SEC22C: variants seen among roughly 807,000 people sequenced by gnomAD.
SEC22C encodes the protein SEC22 homolog C, vesicle trafficking protein.
SEC22C carries 29 observed loss-of-function variants against 34.7 expected under a neutral mutation model. The ratio of observed to expected loss-of-function variants is 0.84; its 90% confidence interval spans 0.62 to 1.14. The LOEUF (loss-of-function observed/expected upper bound fraction) is 1.14, where lower values mean the gene tolerates loss of function less well. Ranked by LOEUF, SEC22C falls within the 50% of genes most tolerant of loss-of-function variation. The probability of loss-of-function intolerance (pLI) is 0.00; values close to 1 mark genes in which losing one functional copy is unlikely to be tolerated. For synonymous variants in SEC22C, 117 were observed against 132.8 expected, an observed-to-expected ratio of 0.88 and a Z score of 0.82; for missense variants, 337 against 369.0, an observed-to-expected ratio of 0.91 and a Z score of 0.71.
chr3:42,572,541 T>C (rs901111007), intron 1 of SEC22C, among the ~76,000 whole-genome samples: 10 of 152,204 alleles, frequency 6.6e-5, no homozygotes, highest in African/African-American at 2.4e-4. Context: ...AGAATTCCTA[T>C]CTCTCCCAGG....
intron 1 of SEC22C, among the ~76,000 whole-genome samples, chr3:42,599,686 C>T (rs1705198240): frequency 6.7e-6 from 1 of 148,500 alleles, no homozygotes; most frequent in African/African-American, 2.5e-5. Context: ...AGCGAGACTC[C>T]GTCTCAAAAA....
intron 1 of SEC22C, among the ~76,000 whole-genome samples, chr3:42,600,003 T>C (rs1705216043): frequency 6.6e-6 from 1 of 152,156 alleles, no homozygotes; most frequent in Non-Finnish European, 1.5e-5. Context: ...CAGGCCCAGA[T>C]TGGGAAAAAG....
At chr3:42,591,239 GC>G (rs1310333268) in intron 1 of SEC22C, 2 of 543,774 alleles carry the variant, frequency 3.7e-6, no homozygotes, top group Non-Finnish European at 6.4e-6. Flanking sequence ...CCGCTCTGTC[GC>G]CCAGGCTGGA....
intron 1 of SEC22C, chr3:42,600,330 C>G (rs773185263): frequency 5.9e-5 from 9 of 152,256 alleles, no homozygotes; most frequent in Non-Finnish European, 1.0e-4. Context: ...CTCAAAGCCT[C>G]AATTCACTCA....
At position 42,570,646 on chromosome 3, in the gene SEC22C, G is replaced by A. The variant is rs962424830; in HGVS notation, c.-27-1573C>T. Among the ~76,000 whole-genome samples, 3 of 152,012 alleles carry A rather than the reference G, an allele frequency of 2.0e-5. No homozygotes were observed. In the East Asian group the frequency reaches 5.8e-4, roughly 29 times the overall value. On this transcript the variant is annotated intron_variant, in intron 1 of 6. Transcript: ENST00000264454. ...AAGCTACTAAGTTTGCAGCACCAAC[G>A]GCAGGACCAGGTCAACTGCCAGAAG... is the stretch of plus-strand genomic sequence containing the variant.
At chr3:42,582,563 A>G (rs949209964), upstream of SEC22C, among the ~76,000 whole-genome samples, 1 of 152,272 alleles carries the variant, frequency 6.6e-6, no homozygotes, top group Non-Finnish European at 1.5e-5. Context: ...AGCACCTGCT[A>G]TGTGCCAGGG....
rs928837544 is a variant in SEC22C at position 42,550,525 on chromosome 3, C to A, written c.*2723G>T. 1.2e-5 allele frequency: 12 copies of A among 985,332 alleles called. No individual in the cohort carries two copies. Among genetic ancestry groups the A allele is most frequent in the Non-Finnish European group, 1.4e-5 (12 of 829,948 alleles). 61.0% of individuals were successfully genotyped at this position (985,332 alleles called of 1,614,324 possible). ...CTCTTCCTTCAGTGAGCTGAGGATT[C>A]TTTTAGCTAGCTGGATTTCAGTCAA... is the stretch of plus-strand genomic sequence containing the variant. On this transcript the variant is annotated 3_prime_UTR_variant, in exon 7 of 7. Coordinates refer to ENST00000264454, the MANE Select transcript of SEC22C (RefSeq NM_032970.4).
intron 1 of SEC22C, among the ~76,000 whole-genome samples, chr3:42,597,273 C>T (rs1024525250): frequency 1.3e-5 from 2 of 152,070 alleles, no homozygotes; most frequent in African/African-American, 2.4e-5. Context: ...GTGACATGGA[C>T]GGCTGGGTGC....
chr3:42,591,663 T>G (rs1704851972), intron 1 of SEC22C: 1 of 1,128,878 alleles, frequency 8.9e-7, no homozygotes. Context: ...TGTGATGCGG[T>G]GCTTTCTCGA....
chr3:42,570,921 A>G (rs1201182299), intron 1 of SEC22C, among the ~76,000 whole-genome samples: 2 of 152,224 alleles, frequency 1.3e-5, no homozygotes, highest in African/African-American at 4.8e-5. Flanking sequence ...ATAAGCCAAG[A>G]TATGAAGACA....
intron 1 of SEC22C, chr3:42,590,918 G>T: frequency 6.2e-7 from 1 of 1,613,320 alleles, no homozygotes; most frequent in Non-Finnish European, 8.5e-7. Context: ...CCTTCGTACC[G>T]GACTGGCTGA....
At chr3:42,559,753 T>A (rs1702756921) in intron 4 of SEC22C, among the ~76,000 whole-genome samples, 1 of 152,224 alleles carries the variant, frequency 6.6e-6, no homozygotes, top group South Asian at 2.1e-4. Context: ...AAATATCCAA[T>A]TGAATTAAAT....
At chr3:42,591,293 G>A in intron 1 of SEC22C, 1 of 582,416 alleles carries the variant, frequency 1.7e-6, no homozygotes, top group Non-Finnish European at 3.0e-6. Flanking sequence ...CCGCTTCCTG[G>A]CTTCAAGCGA....
At position 42,549,120 on chromosome 3, in the gene SEC22C, C is replaced by T. The variant is rs1214511220; in HGVS notation, c.*4128G>A. On this transcript the variant is annotated 3_prime_UTR_variant, in exon 7 of 7. Transcript: ENST00000264454. ...ACCTTCTCTCTCAAGGGCACAGCTACACTCTTTCTCCACCATTATTAACAC... is the reference window on the plus strand; with the variant it reads ...ACCTTCTCTCTCAAGGGCACAGCTATACTCTTTCTCCACCATTATTAACAC... The T allele has an allele frequency of 2.1e-5, 21 of 994,190 alleles. No individual in the cohort carries two copies. The highest frequency in any genetic ancestry group is 2.5e-5 in the Non-Finnish European group (21 of 834,704). 61.6% of individuals were successfully genotyped at this position (994,190 alleles called of 1,614,324 possible). A position where few individuals can be genotyped will look rare whatever the true frequency, so the allele number is the denominator to read the frequency against.
rs1475482597 is a variant in SEC22C at position 42,559,159 on chromosome 3, C to T, written c.527-1463G>A. 6.6e-5 allele frequency among the ~76,000 whole-genome samples: 10 copies of T among 152,324 alleles called. No individual in the cohort carries two copies. In the East Asian group the frequency reaches 1.9e-3, roughly 29 times the overall value. On this transcript the variant is annotated intron_variant, in intron 4 of 6. Transcript: ENST00000264454. ...GTCCCTCCCATTCTCTCGCTATACT[C>T]CTTTCTTACACTTATATTTCACACA...
At chr3:42,561,086 C>G (rs980765756) in intron 4 of SEC22C, 31 bp downstream of exon 4, 2 of 1,594,072 alleles carry the variant, frequency 1.3e-6, no homozygotes, top group Non-Finnish European at 1.7e-6. Context: ...AATATCACTT[C>G]ATCAACATCA....
intron 1 of SEC22C, among the ~76,000 whole-genome samples, chr3:42,576,446 T>A (rs1491001007): frequency 6.6e-6 from 1 of 152,024 alleles, no homozygotes; most frequent in African/African-American, 2.4e-5. Context: ...CTAAAAAAAA[T>A]TACATTTCTA....
chr3:42,580,245 CAGAA>C (rs1704241810), intron 1 of SEC22C, among the ~76,000 whole-genome samples: 2 of 152,008 alleles, frequency 1.3e-5, no homozygotes, highest in Non-Finnish European at 2.9e-5. Flanking sequence ...CTGAGAGAGA[CAGAA>C]AGAAAGAGAA....
chr3:42,553,781 C>T (rs1436492114), intron 6 of SEC22C, among the ~76,000 whole-genome samples: 1 of 152,222 alleles, frequency 6.6e-6, no homozygotes, highest in Non-Finnish European at 1.5e-5. Flanking sequence ...GACAGCCAGG[C>T]TGCAGACAGG....
Sources: allele counts gnomAD v4.1 joint callset (sites outside exome capture counted in the v4.1 genomes callset), GRCh38; gene constraint gnomAD v4.1.1; transcripts MANE v1.5; gene names NCBI Gene and HGNC (gene_info 2026-07-23, HGNC 2026-07-21).